Variants in SEMA3C observed in about 807,000 individuals in gnomAD.
The protein encoded by SEMA3C is semaphorin-3C.
Under a neutral mutation model 89.4 loss-of-function variants are expected in SEMA3C, and 47 were observed. The observed-to-expected ratio is 0.53, with a 90% CI of 0.42 to 0.67. The LOEUF (loss-of-function observed/expected upper bound fraction) is 0.67. Ranked by LOEUF, SEMA3C falls within the 30% of genes least tolerant of loss-of-function variation. The pLI, the probability that SEMA3C is intolerant of heterozygous loss-of-function variation, is 0.00. For missense variants in SEMA3C, 839 were observed against 929.1 expected, an observed-to-expected ratio of 0.90 and a Z score of 1.26; for synonymous variants, 310 against 320.2, an observed-to-expected ratio of 0.97 and a Z score of 0.34.
intron 2 of SEMA3C, among the ~76,000 whole-genome samples, chr7:80,843,284 T>C (rs531716788): frequency 2.6e-5 from 4 of 152,280 alleles, no homozygotes; most frequent in Non-Finnish European, 5.9e-5. Flanking sequence ...CATTACACAT[T>C]CTATGCATGT....
intron 15 of SEMA3C, among the ~76,000 whole-genome samples, chr7:80,755,136 T>C (rs1449765513): frequency 6.6e-6 from 1 of 151,684 alleles, no homozygotes; most frequent in African/African-American, 2.4e-5. Flanking sequence ...TTTCCTTCTC[T>C]ATCCATTATT....
At position 80,901,904 on chromosome 7, in the gene SEMA3C, T is replaced by C. The variant is rs1250618821; in HGVS notation, c.103+14775A>G. ...ATTGATGCACTAAAACAAAGAATGT[T>C]ATAAGCTGTTGATAAAGGCCATGTA... On this transcript the variant is annotated intron_variant, in intron 2 of 17. Coordinates refer to ENST00000265361, the MANE Select transcript of SEMA3C (RefSeq NM_006379.5). Among the ~76,000 whole-genome samples the C allele has an allele frequency of 2.0e-5, 3 of 152,204 alleles. No homozygotes were observed. The East Asian group carries it at 5.8e-4, about 29-fold the overall frequency.
chr7:80,815,072 T>C (rs561037430), intron 5 of SEMA3C, among the ~76,000 whole-genome samples: 137 of 152,228 alleles, frequency 9.0e-4, no homozygotes, highest in Non-Finnish European at 1.8e-3. Flanking sequence ...TTAAGGTCTT[T>C]AAAGCTTTAA....
At chr7:80,897,182 A>G (rs1037288043) in intron 2 of SEMA3C, among the ~76,000 whole-genome samples, 2 of 152,232 alleles carry the variant, frequency 1.3e-5, no homozygotes, top group African/African-American at 4.8e-5. Flanking sequence ...AATAAACTAG[A>G]GCTAGACAAA....
rs115480262 is a variant in SEMA3C, at chr7:80,760,651, G to A, written c.1485+965C>T. Among the ~76,000 whole-genome samples the A allele has an allele frequency of 2.8e-3, 427 of 152,214 alleles. 2 individuals are homozygous for A. The highest frequency in any genetic ancestry group is 1.0e-2 in the African/African-American group (414 of 41,524). ...TGAAGAGCTCCAGAATCATGTAATCGGTTGTGCTAACACATAAAACCTTTA... is the reference window on the plus strand; with the variant it reads ...TGAAGAGCTCCAGAATCATGTAATCAGTTGTGCTAACACATAAAACCTTTA... On this transcript the variant is annotated intron_variant, in intron 14 of 17. Transcript: ENST00000265361.
At chr7:80,896,480 T>C (rs1480995574) in intron 2 of SEMA3C, among the ~76,000 whole-genome samples, 1 of 152,180 alleles carries the variant, frequency 6.6e-6, no homozygotes, top group Non-Finnish European at 1.5e-5. Flanking sequence ...AGAGAATGCA[T>C]TAGATATATG....
At chr7:80,826,619 G>A (rs1426548032) in intron 4 of SEMA3C, among the ~76,000 whole-genome samples, 2 of 152,130 alleles carry the variant, frequency 1.3e-5, no homozygotes, top group African/African-American at 4.8e-5. Context: ...TGGAAGGAAT[G>A]AATGAAGAAA....
At chr7:80,896,235 T>G (rs1791734607) in intron 2 of SEMA3C, among the ~76,000 whole-genome samples, 1 of 152,220 alleles carries the variant, frequency 6.6e-6, no homozygotes, top group African/African-American at 2.4e-5. Flanking sequence ...TTACAATAAC[T>G]GATTCCATTG....
intron 12 of SEMA3C, among the ~76,000 whole-genome samples, chr7:80,785,388 G>T (rs1788778531): frequency 6.6e-6 from 1 of 152,094 alleles, no homozygotes; most frequent in Non-Finnish European, 1.5e-5. Context: ...TGATACAGAA[G>T]AAAAGCCAAA....
In SEMA3C at chr7:80,913,435, G is replaced by C. The variant is rs189636446; in HGVS notation, c.103+3244C>G. On this transcript the variant is annotated intron_variant, in intron 2 of 17. Transcript: ENST00000265361. ...GAAAAGAAAAAACAGGTAATCCTATGCAAGTCTAGTGCTTAGTCATAAAAT... is the reference window on the plus strand; with the variant it reads ...GAAAAGAAAAAACAGGTAATCCTATCCAAGTCTAGTGCTTAGTCATAAAAT... Among the ~76,000 whole-genome samples, 6 of 152,232 alleles carry C rather than the reference G, an allele frequency of 3.9e-5. No homozygotes were observed. The South Asian group carries it at 6.2e-4, about 16-fold the overall frequency.
upstream of SEMA3C, among the ~76,000 whole-genome samples, chr7:80,920,431 C>T (rs1021260846): frequency 1.3e-5 from 2 of 152,112 alleles, no homozygotes; most frequent in African/African-American, 4.8e-5. Context: ...ATAGAAAACC[C>T]CTCTGGGGGT....
At chr7:80,749,507 G>A (rs1295563664) in intron 16 of SEMA3C, among the ~76,000 whole-genome samples, 3 of 152,118 alleles carry the variant, frequency 2.0e-5, no homozygotes, top group East Asian at 1.9e-4. Context: ...ACTGGGAAAG[G>A]GCAGAAAGTA....
chr7:80,745,017 G>A lies in SEMA3C; in HGVS notation c.2133C>T (p.Asp711=). ...CTCCCTGCTGATGTTGCTGCCGAGT[G>A]TCTTTGCAATATTGGTTAATCATCT... ...EMQMINQYCK[D]TRQQHQQGDE... Residue 711 remains aspartate (D), a synonymous_variant, in exon 18 of 18, where the codon GAC becomes GAT. Coordinates refer to ENST00000265361, the MANE Select transcript of SEMA3C (RefSeq NM_006379.5). 1 of 1,614,038 alleles carries A rather than the reference G, an allele frequency of 6.2e-7. No homozygotes were observed.
intron 6 of SEMA3C, among the ~76,000 whole-genome samples, chr7:80,806,982 G>A (rs1789355724): frequency 6.6e-6 from 1 of 152,074 alleles, no homozygotes; most frequent in Admixed American, 6.5e-5. Context: ...TGGTGTGGCG[G>A]GCATTTTGTT....
chr7:80,766,025 AT>A (rs1219145048), intron 12 of SEMA3C, among the ~76,000 whole-genome samples: 1 of 152,244 alleles, frequency 6.6e-6, no homozygotes, highest in Admixed American at 6.5e-5. Context: ...TAATAACTGT[AT>A]AAGTCACTAG....
intron 2 of SEMA3C, among the ~76,000 whole-genome samples, chr7:80,868,102 C>T (rs1338890014): frequency 6.6e-6 from 1 of 152,104 alleles, no homozygotes; most frequent in African/African-American, 2.4e-5. Context: ...CTACACATGT[C>T]AGTGGGCCAA....
At chr7:80,809,451 T>C (rs1789416574) in intron 6 of SEMA3C, among the ~76,000 whole-genome samples, 4 of 152,290 alleles carry the variant, frequency 2.6e-5, no homozygotes, top group East Asian at 1.9e-4. Context: ...GAAGAGGAAA[T>C]GCTGGATCAT....
chr7:80,789,186 G>T, intron 12 of SEMA3C, 120 bp downstream of exon 12: 1 of 747,328 alleles, frequency 1.3e-6, no homozygotes, highest in Non-Finnish European at 2.2e-6. Flanking sequence ...CTCACTAAGG[G>T]CTAGACAGAC....
chr7:80,823,670 C>T (rs1358149591), intron 4 of SEMA3C, among the ~76,000 whole-genome samples: 1 of 151,952 alleles, frequency 6.6e-6, no homozygotes, highest in African/African-American at 2.4e-5. Flanking sequence ...AATAGGGAAA[C>T]TGATATTCTA....
Sources: allele counts gnomAD v4.1 joint callset (sites outside exome capture counted in the v4.1 genomes callset), GRCh38; gene constraint gnomAD v4.1.1; transcripts MANE v1.5; gene names NCBI Gene and HGNC (gene_info 2026-07-23, HGNC 2026-07-21).